The following PGM2L1 variants were observed in gnomAD, a reference collection of about 807,000 sequenced individuals.
PGM2L1 encodes glucose 1,6-bisphosphate synthase.
In PGM2L1, 35 loss-of-function variants were observed where a neutral mutation model predicts 73.4. The ratio of observed to expected loss-of-function variants is 0.48; its 90% CI spans 0.36 to 0.63. PGM2L1 has a LOEUF of 0.63. PGM2L1 is among the 30% of genes least tolerant of loss of function. The probability of loss-of-function intolerance (pLI) is 0.00; values close to 1 mark genes in which losing one functional copy is unlikely to be tolerated. For missense variants in PGM2L1, 570 were observed against 742.0 expected, an observed-to-expected ratio of 0.77 and a Z score of 2.69; for synonymous variants, 225 against 253.8, an observed-to-expected ratio of 0.89 and a Z score of 1.08.
rs1308887104 is a variant in PGM2L1, at chr11:74,330,442, A to AG, written c.*6209dup. The AG allele has an allele frequency of 6.5e-6, 1 of 152,680 alleles. No homozygotes were observed. Among genetic ancestry groups the AG allele is most frequent in the Non-Finnish European group, 1.5e-5 (1 of 68,030 alleles). 9.5% of individuals were successfully genotyped at this position (152,680 alleles called of 1,614,324 possible). On this transcript the variant is annotated 3_prime_UTR_variant, in exon 14 of 14. Transcript: ENST00000298198. ...TTATAATACACCCTGGTGTTTTTGT[A>AG]GGGAAAAATGAGAAGATGTTGACAG... is the stretch of plus-strand genomic sequence containing the variant.
intron 1 of PGM2L1, among the ~76,000 whole-genome samples, chr11:74,381,347 C>G (rs530870578): frequency 1.3e-5 from 2 of 152,128 alleles, no homozygotes; most frequent in Non-Finnish European, 1.5e-5. Context: ...CCCACCACTC[C>G]TCTTTCCCCA....
At chr11:74,370,678 C>T (rs923522583) in intron 4 of PGM2L1, among the ~76,000 whole-genome samples, 7 of 152,236 alleles carry the variant, frequency 4.6e-5, no homozygotes, top group African/African-American at 1.7e-4. Context: ...ACATATTTCA[C>T]TATAACTGTA....
chr11:74,369,753 T>A (rs73554605), intron 4 of PGM2L1, among the ~76,000 whole-genome samples: 3,374 of 152,262 alleles, frequency 0.022, 125 homozygotes, highest in African/African-American at 0.077. Flanking sequence ...TTTATTAATT[T>A]ATTTATTTAT....
rs1248434609 is a variant in PGM2L1, at chr11:74,333,729, C to T, written c.*2923G>A. 1 of 152,216 alleles carries T rather than the reference C, an allele frequency of 6.6e-6. No individual in the cohort carries two copies. Among genetic ancestry groups the T allele is most frequent in the Non-Finnish European group, 1.5e-5 (1 of 68,046 alleles). The allele number at this position is 152,216 out of a possible 1,614,324, so 9.4% of individuals were successfully genotyped here. ...CTGTTATGGTGTTACATTTGCCCTT[C>T]ACGAGAAGCATTTCCCGTGTCTCTT... On this transcript the variant is annotated 3_prime_UTR_variant, in exon 14 of 14. Transcript: ENST00000298198.
chr11:74,353,301 G>A (rs375071307), intron 5 of PGM2L1, among the ~76,000 whole-genome samples: 3 of 151,742 alleles, frequency 2.0e-5, no homozygotes, highest in South Asian at 4.2e-4. Flanking sequence ...TTAAAATTTC[G>A]ACTGATCTTT....
chr11:74,360,760 GC>G (rs1021158288), intron 5 of PGM2L1, among the ~76,000 whole-genome samples: 1 of 152,230 alleles, frequency 6.6e-6, no homozygotes, highest in Non-Finnish European at 1.5e-5. Flanking sequence ...TATATCCCGA[GC>G]CTGGCTCGGA....
chr11:74,377,135 TTTC>T (rs1862866512), intron 1 of PGM2L1, among the ~76,000 whole-genome samples: 1 of 143,896 alleles, frequency 6.9e-6, no homozygotes, highest in Non-Finnish European at 1.5e-5. Context: ...ATTATTATTA[TTTC>T]TTTTTTTTTT....
intron 5 of PGM2L1, chr11:74,354,713 C>A: frequency 9.2e-7 from 1 of 1,092,074 alleles, no homozygotes; most frequent in Non-Finnish European, 1.4e-6. Flanking sequence ...AGAGCTGTTT[C>A]AAGAGAAAAT....
At position 74,342,940 on chromosome 11, in the gene PGM2L1, A is replaced by G. The variant is rs1463153047; in HGVS notation, c.1387T>C (p.Tyr463His). The G allele has an allele frequency of 6.2e-7, 1 of 1,611,230 alleles. No homozygotes were observed. The highest frequency in any genetic ancestry group is 2.2e-5 in the East Asian group (1 of 44,796). ...AATGTTATATTCATGGTTTCCAGGT[A>G]AGATGCCATCTCAGCAACCACAACA... The part of the protein sequence containing the change: ...AAVVVAEMAS[Y>H]LETMNITLKQ... The change falls in exon 11 of 14, where the codon TAC becomes CAC. Residue 463 changes from tyrosine (Y) to histidine (H), a missense_variant. Coordinates refer to ENST00000298198, the MANE Select transcript of PGM2L1 (RefSeq NM_173582.6).
intron 1 of PGM2L1, among the ~76,000 whole-genome samples, chr11:74,389,947 CA>C (rs71065078): frequency 0.015 from 574 of 38,576 alleles, 20 homozygotes; most frequent in African/African-American, 0.06. Context: ...ACTAAAAATA[CA>C]AAAAAAAAAA....
At chr11:74,394,570 A>G (rs1384404085) in intron 1 of PGM2L1, among the ~76,000 whole-genome samples, 2 of 152,196 alleles carry the variant, frequency 1.3e-5, no homozygotes, top group Middle Eastern at 3.2e-3. Flanking sequence ...GCCCTTCAAG[A>G]CATACTAAAG....
chr11:74,379,007 A>C (rs1327433692), intron 1 of PGM2L1, among the ~76,000 whole-genome samples: 1 of 152,196 alleles, frequency 6.6e-6, no homozygotes, highest in African/African-American at 2.4e-5. Flanking sequence ...GAGTGTAAAA[A>C]AAGTAATCAA....
chr11:74,398,125 G>T lies in PGM2L1; in HGVS notation c.37C>A (p.Leu13Met). The change falls in exon 1 of 14, where the codon CTG (leucine) becomes ATG (methionine). Residue 13 changes from leucine to methionine, a missense_variant. Coordinates refer to ENST00000298198, the MANE Select transcript of PGM2L1 (RefSeq NM_173582.6). The part of the protein sequence containing the change: ...ENTEGDLNSN[L>M]LHAPYHTGDP... ...CCGGTGTGGTAGGGGGCGTGGAGCAGGTTGGAGTTCAGATCCCCCTCTGTG... is the reference window on the plus strand; with the variant it reads ...CCGGTGTGGTAGGGGGCGTGGAGCATGTTGGAGTTCAGATCCCCCTCTGTG... 1 of 1,613,304 alleles carries T rather than the reference G, an allele frequency of 6.2e-7. No individual in the cohort carries two copies. The highest frequency in any genetic ancestry group is 8.5e-7 in the Non-Finnish European group (1 of 1,179,528).
At chr11:74,361,148 C>G (rs187850177) in intron 5 of PGM2L1, among the ~76,000 whole-genome samples, 2 of 152,174 alleles carry the variant, frequency 1.3e-5, no homozygotes, top group African/African-American at 2.4e-5. Flanking sequence ...AGGCACCCCC[C>G]AGTAGGGGCA....
intron 5 of PGM2L1, chr11:74,354,470 C>T (rs529018198): frequency 1.9e-5 from 18 of 946,162 alleles, no homozygotes; most frequent in Non-Finnish European, 2.9e-5. Flanking sequence ...TCCTAAAGAG[C>T]CTGAACAGCT....
chr11:74,360,811 G>A (rs919063770), intron 5 of PGM2L1, among the ~76,000 whole-genome samples: 18 of 152,220 alleles, frequency 1.2e-4, no homozygotes, highest in African/African-American at 4.3e-4. Context: ...TGTTAGCACA[G>A]CAGTCTGAGA....
At position 74,347,191 on chromosome 11, in the gene PGM2L1, GA is replaced by G; in HGVS notation, c.895del (p.Ser299LeufsTer19). 6.2e-7 allele frequency: 1 copy of G among 1,605,480 alleles called. No individual in the cohort carries two copies. Among genetic ancestry groups the G allele is most frequent in the Non-Finnish European group, 8.5e-7 (1 of 1,176,492 alleles). Reference sequence around the variant, plus strand: ...TTCAGGATTTGGACATTTAACGGTAGAAAAGTCTGGATCAGGATCTTTTTGT... The same window carrying G: ...TTCAGGATTTGGACATTTAACGGTAGAAAGTCTGGATCAGGATCTTTTTGT... ...PEQKDPDPDF[S>X]TVKCPNPEEG... On this transcript the variant is annotated frameshift_variant, in exon 7 of 14. Coordinates refer to ENST00000298198, the MANE Select transcript of PGM2L1 (RefSeq NM_173582.6). LOFTEE classifies it high-confidence loss of function.
At chr11:74,371,119 G>T in intron 3 of PGM2L1, 133 bp from the exon 4 acceptor site, 1 of 514,056 alleles carries the variant, frequency 1.9e-6, no homozygotes, top group Non-Finnish European at 3.3e-6. Flanking sequence ...TATAATCACT[G>T]ATTATTTAAA....
chr11:74,352,441 T>C (rs1162249305), intron 5 of PGM2L1, among the ~76,000 whole-genome samples: 2 of 152,200 alleles, frequency 1.3e-5, no homozygotes, highest in African/African-American at 4.8e-5. Context: ...GTTTGTCAAG[T>C]AGCCTGATCA....
Sources: allele counts gnomAD v4.1 joint callset (sites outside exome capture counted in the v4.1 genomes callset), GRCh38; gene constraint gnomAD v4.1.1; transcripts MANE v1.5; gene names NCBI Gene and HGNC (gene_info 2026-07-23, HGNC 2026-07-21).